The following CACNA2D1 variants were observed in gnomAD, a reference collection of about 807,000 sequenced individuals.
The protein encoded by CACNA2D1 is voltage-dependent calcium channel subunit alpha-2/delta-1.
In CACNA2D1, 53 loss-of-function variants were observed where a neutral mutation model predicts 171.5. The ratio of observed to expected loss-of-function variants is 0.31; its 90% CI spans 0.25 to 0.39. The LOEUF is 0.39. CACNA2D1 is among the 10% of genes least tolerant of loss of function. The pLI is 1.00. For missense variants in CACNA2D1, 903 were observed against 1,299.8 expected, an observed-to-expected ratio of 0.69 and a Z score of 4.69; for synonymous variants, 442 against 443.1, an observed-to-expected ratio of 1.00 and a Z score of 0.03.
At chr7:82,388,069 AAAAAAAAACAAAAAC>A (rs1365810007) in intron 1 of CACNA2D1, among the ~76,000 whole-genome samples, 5 of 146,846 alleles carry the variant, frequency 3.4e-5, no homozygotes, top group African/African-American at 7.4e-5. Context: ...CTCCAAAAAA[AAAAAAAAACAAAAAC>A]AAAAACAAAC....
At chr7:82,240,765 G>A (rs111441761) in intron 3 of CACNA2D1, among the ~76,000 whole-genome samples, 2,102 of 152,056 alleles carry the variant, frequency 0.014, 86 homozygotes, top group East Asian at 0.11. Flanking sequence ...TCAAGAGATC[G>A]AGACCATCCT....
intron 6 of CACNA2D1, among the ~76,000 whole-genome samples, chr7:82,087,543 A>G (rs1434945380): frequency 7.2e-6 from 1 of 138,216 alleles, no homozygotes; most frequent in Non-Finnish European, 1.6e-5. Flanking sequence ...TTTTTCTCAA[A>G]TAATATTGAA....
chr7:82,375,923 T>C (rs527274993), intron 1 of CACNA2D1, among the ~76,000 whole-genome samples: 6 of 152,276 alleles, frequency 3.9e-5, no homozygotes, highest in Admixed American at 1.3e-4. Context: ...ACATTGGCTG[T>C]CCATCAGTAA....
Position 82,366,896 on chromosome 7 carries a change from T to C in CACNA2D1, c.96-17247A>G, listed in dbSNP as rs527923619. ...CCACAGCCCTGCCAGCATCCACTGG[T>C]TTTGACCTTTTTTTTTTTTTTTTTT... On this transcript the variant is annotated intron_variant, in intron 1 of 38. Coordinates refer to ENST00000356860, the MANE Select transcript of CACNA2D1 (RefSeq NM_000722.4). Among the ~76,000 whole-genome samples, 4 of 145,198 alleles carry C rather than the reference T, an allele frequency of 2.8e-5. No individual in the cohort carries two copies. In the South Asian group the frequency reaches 8.9e-4, roughly 32 times the overall value.
intron 1 of CACNA2D1, among the ~76,000 whole-genome samples, chr7:82,439,379 A>T (rs1830329690): frequency 6.6e-6 from 1 of 151,962 alleles, no homozygotes; most frequent in South Asian, 2.1e-4. Flanking sequence ...TCAATGTTGG[A>T]GAAATAACAG....
chr7:82,030,369 A>C (rs1401736588), intron 12 of CACNA2D1, among the ~76,000 whole-genome samples: 3 of 151,256 alleles, frequency 2.0e-5, no homozygotes, highest in Non-Finnish European at 4.4e-5. Context: ...CCAAGACACT[A>C]TGTGTTAATC....
chr7:82,059,677 G>C (rs192530664), intron 10 of CACNA2D1, among the ~76,000 whole-genome samples: 5 of 151,768 alleles, frequency 3.3e-5, no homozygotes, highest in Admixed American at 1.3e-4. Flanking sequence ...ACTCAAAAAG[G>C]CTCCTGGCAT....
intron 3 of CACNA2D1, among the ~76,000 whole-genome samples, chr7:82,192,232 A>G (rs1798369642): frequency 6.6e-6 from 1 of 151,768 alleles, no homozygotes; most frequent in African/African-American, 2.4e-5. Flanking sequence ...ATTCCAAACA[A>G]GAAAACAAGG....
chr7:82,304,359 A>G (rs998580431), intron 3 of CACNA2D1, among the ~76,000 whole-genome samples: 9 of 152,122 alleles, frequency 5.9e-5, no homozygotes, highest in Admixed American at 5.9e-4. Flanking sequence ...CCAAAAAAAA[A>G]AAAAAAGAAA....
At chr7:82,302,579 A>T (rs1585405929) in intron 3 of CACNA2D1, among the ~76,000 whole-genome samples, 1 of 151,714 alleles carries the variant, frequency 6.6e-6, no homozygotes, top group East Asian at 2.0e-4. Context: ...ACACCCGGGT[A>T]ATTTTGTATT....
intron 1 of CACNA2D1, among the ~76,000 whole-genome samples, chr7:82,412,098 A>C (rs763050809): frequency 5.3e-5 from 8 of 152,092 alleles, no homozygotes; most frequent in Non-Finnish European, 7.4e-5. Context: ...AGGCCTGTAT[A>C]TATACTTCAA....
intron 38 of CACNA2D1, among the ~76,000 whole-genome samples, chr7:81,951,394 G>A (rs1792503804): frequency 1.3e-5 from 2 of 151,282 alleles, no homozygotes; most frequent in South Asian, 2.1e-4. Flanking sequence ...AGGTGGTTTT[G>A]GTTACATGGA....
chr7:82,180,325 C>A (rs1796989507), intron 3 of CACNA2D1, among the ~76,000 whole-genome samples: 1 of 152,138 alleles, frequency 6.6e-6, no homozygotes, highest in South Asian at 2.1e-4. Context: ...ATTGCATACA[C>A]CATAGGCCCT....
intron 1 of CACNA2D1, among the ~76,000 whole-genome samples, chr7:82,424,415 G>T (rs2129457845): frequency 6.6e-6 from 1 of 152,168 alleles, no homozygotes; most frequent in Non-Finnish European, 1.5e-5. Flanking sequence ...CTGAAATGAA[G>T]AAATCATTAA....
At chr7:81,969,578 T>G (rs942754986) in intron 28 of CACNA2D1, among the ~76,000 whole-genome samples, 2 of 151,300 alleles carry the variant, frequency 1.3e-5, no homozygotes, top group African/African-American at 4.8e-5. Flanking sequence ...CCTTAAATGT[T>G]TTTCAATACA....
chr7:82,112,572 T>C (rs1416264750), intron 6 of CACNA2D1, among the ~76,000 whole-genome samples: 3 of 152,224 alleles, frequency 2.0e-5, no homozygotes, highest in Non-Finnish European at 4.4e-5. Flanking sequence ...CTGCCTTTTA[T>C]ACAACTATCA....
At chr7:82,190,948 T>C (rs1312648330) in intron 3 of CACNA2D1, among the ~76,000 whole-genome samples, 2 of 151,706 alleles carry the variant, frequency 1.3e-5, no homozygotes, top group African/African-American at 4.8e-5. Context: ...CAAAATATGT[T>C]CCATTGTATA....
At chr7:82,407,906 C>A (rs1310635531) in intron 1 of CACNA2D1, among the ~76,000 whole-genome samples, 2 of 152,098 alleles carry the variant, frequency 1.3e-5, no homozygotes, top group African/African-American at 4.8e-5. Flanking sequence ...GATAGATTAT[C>A]TTCTAAAATA....
chr7:82,264,153 G>A (rs1807503585), intron 3 of CACNA2D1, among the ~76,000 whole-genome samples: 1 of 152,098 alleles, frequency 6.6e-6, no homozygotes. Flanking sequence ...GGTGACAGAT[G>A]TTTCTGAACT....
Sources: gnomAD v4.1 joint callset for allele counts (sites outside exome capture counted in the v4.1 genomes callset) on GRCh38, gnomAD v4.1.1 for gene constraint, MANE v1.5 for transcripts, NCBI Gene and HGNC (gene_info 2026-07-23, HGNC 2026-07-21) for gene names.